The following JAKMIP2 variants were observed in gnomAD, a reference collection of about 807,000 sequenced individuals.
JAKMIP2 encodes janus kinase and microtubule interacting protein 2.
JAKMIP2 carries 25 observed loss-of-function variants against 115.0 expected under a neutral mutation model. The observed-to-expected ratio is 0.22, with a 90% confidence interval of 0.16 to 0.30. JAKMIP2 has a LOEUF of 0.30. JAKMIP2 is among the 10% of genes least tolerant of loss of function. The pLI, the probability that JAKMIP2 is intolerant of heterozygous loss-of-function variation, is 1.00. For synonymous variants in JAKMIP2, 334 were observed against 343.6 expected (o/e 0.97, Z 0.31); for missense variants, 642 against 957.6 (o/e 0.67, Z 4.35).
At chr5:147,722,354 T>G (rs771744354) in intron 1 of JAKMIP2, among the ~76,000 whole-genome samples, 10 of 152,202 alleles carry the variant, frequency 6.6e-5, no homozygotes, top group Non-Finnish European at 1.3e-4. Flanking sequence ...CCGTCTTTTC[T>G]CCTTTTAACT....
chr5:147,638,648 T>G (rs1453074550), intron 10 of JAKMIP2, among the ~76,000 whole-genome samples: 1 of 151,988 alleles, frequency 6.6e-6, no homozygotes, highest in Non-Finnish European at 1.5e-5. Context: ...AACTCCTCAG[T>G]GCATTGTAGA....
chr5:147,664,165 G>C (rs1232851510), intron 2 of JAKMIP2, among the ~76,000 whole-genome samples: 1 of 152,116 alleles, frequency 6.6e-6, no homozygotes, highest in Admixed American at 6.5e-5. Context: ...GCTTGCATTT[G>C]GGATTCACAT....
At chr5:147,598,445 T>TATCTATCTATCTATC (rs1755516563) in intron 21 of JAKMIP2, among the ~76,000 whole-genome samples, 1 of 151,992 alleles carries the variant, frequency 6.6e-6, no homozygotes. Context: ...TCTATCTATC[T>TATCTATCTATCTATC]ATCTATCTAT....
chr5:147,751,935 A>G (rs1754575422), intron 1 of JAKMIP2, among the ~76,000 whole-genome samples: 1 of 152,196 alleles, frequency 6.6e-6, no homozygotes, highest in Admixed American at 6.5e-5. Context: ...TAGAGCAGTC[A>G]AGCAATAGCC....
At chr5:147,761,205 GAGC>G (rs1754918515) in intron 1 of JAKMIP2, among the ~76,000 whole-genome samples, 1 of 152,040 alleles carries the variant, frequency 6.6e-6, no homozygotes, top group African/African-American at 2.4e-5. Context: ...CAAAACCCCT[GAGC>G]TATTATATTT....
rs1462267170 is a variant in JAKMIP2, at chr5:147,655,779, TG to T, written c.627+5168del. Among the ~76,000 whole-genome samples the T allele has an allele frequency of 2.0e-5, 3 of 152,288 alleles. No individual in the cohort carries two copies. In the East Asian group the frequency reaches 5.8e-4, roughly 29 times the overall value. ...CTTTCTTCTCTAGTTCTTTTAATTG[TG>T]ATGTTAGGGTGTTGATTTTAGATTT... On this transcript the variant is annotated intron_variant, in intron 3 of 21. Transcript: ENST00000616793.
At chr5:147,664,998 C>T (rs1052846502) in intron 2 of JAKMIP2, among the ~76,000 whole-genome samples, 9 of 152,108 alleles carry the variant, frequency 5.9e-5, no homozygotes, top group African/African-American at 2.2e-4. Context: ...CAAAACAAAA[C>T]CCTAACATAT....
intron 1 of JAKMIP2, among the ~76,000 whole-genome samples, chr5:147,762,852 T>G (rs911800530): frequency 3.3e-5 from 5 of 152,096 alleles, no homozygotes; most frequent in African/African-American, 1.2e-4. Flanking sequence ...ATCCTAACAG[T>G]GTGATGTGAT....
chr5:147,594,306 A>G (rs1016009155), intron 21 of JAKMIP2: 1 of 312,360 alleles, frequency 3.2e-6, no homozygotes, highest in Non-Finnish European at 6.9e-6. Flanking sequence ...TGCCACTATC[A>G]TTTTTGAGAC....
chr5:147,714,036 CAAAT>C (rs1752877009), intron 1 of JAKMIP2, among the ~76,000 whole-genome samples: 2 of 152,122 alleles, frequency 1.3e-5, no homozygotes, highest in South Asian at 4.1e-4. Context: ...TTGGGACACT[CAAAT>C]AACTTCTACT....
At chr5:147,691,198 T>G (rs911861970) in intron 1 of JAKMIP2, among the ~76,000 whole-genome samples, 4 of 152,034 alleles carry the variant, frequency 2.6e-5, no homozygotes, top group African/African-American at 9.7e-5. Flanking sequence ...CTGTTACCCA[T>G]AAACCACTGT....
chr5:147,774,648 G>C (rs1242609088), intron 1 of JAKMIP2, among the ~76,000 whole-genome samples: 1 of 152,088 alleles, frequency 6.6e-6, no homozygotes, highest in East Asian at 1.9e-4. Flanking sequence ...CCTATGAGTA[G>C]GTTAAGGGCC....
At chr5:147,648,605 C>G in intron 4 of JAKMIP2, 131 bp from the exon 5 acceptor site, 1 of 610,552 alleles carries the variant, frequency 1.6e-6, no homozygotes, top group South Asian at 2.0e-5. Flanking sequence ...ATAAAATATT[C>G]TTTTATCCAA....
At chr5:147,648,293 T>C (rs1758229282) in intron 5 of JAKMIP2, 83 bp downstream of exon 5, 1 of 735,686 alleles carries the variant, frequency 1.4e-6, no homozygotes, top group Admixed American at 2.1e-5. Context: ...TTCTCTATTA[T>C]GGTACGTATC....
chr5:147,640,969 A>T (rs1757856018), intron 8 of JAKMIP2, 146 bp from the exon 9 acceptor site: 3 of 621,264 alleles, frequency 4.8e-6, no homozygotes, highest in Non-Finnish European at 7.8e-6. Context: ...AACATTAGGC[A>T]TGAGCATAAT....
intron 1 of JAKMIP2, among the ~76,000 whole-genome samples, chr5:147,754,415 G>A (rs1261448324): frequency 6.6e-6 from 1 of 151,950 alleles, no homozygotes; most frequent in Non-Finnish European, 1.5e-5. Context: ...ATAATATATC[G>A]AGACACATGC....
At chr5:147,715,569 G>C (rs1384266511) in intron 1 of JAKMIP2, among the ~76,000 whole-genome samples, 1 of 151,314 alleles carries the variant, frequency 6.6e-6, no homozygotes, top group Admixed American at 6.6e-5. Context: ...AGAACAAATA[G>C]GATAATTCAT....
intron 1 of JAKMIP2, among the ~76,000 whole-genome samples, chr5:147,684,664 G>T (rs1359599842): frequency 1.3e-5 from 2 of 152,144 alleles, no homozygotes; most frequent in Non-Finnish European, 2.9e-5. Context: ...TGTATGTCTT[G>T]CCTGCCTAGG....
chr5:147,646,029 T>C (rs1013104294), intron 5 of JAKMIP2, among the ~76,000 whole-genome samples: 10 of 152,148 alleles, frequency 6.6e-5, no homozygotes, highest in African/African-American at 2.4e-4. Flanking sequence ...TGAATGTGAG[T>C]ATGTATTGGG....
Sources: allele counts gnomAD v4.1 joint callset (sites outside exome capture counted in the v4.1 genomes callset), GRCh38; gene constraint gnomAD v4.1.1; transcripts MANE v1.5; gene names NCBI Gene and HGNC (gene_info 2026-07-23, HGNC 2026-07-21).